Variants in SIPA1L1 observed in about 807,000 individuals in gnomAD.
The protein encoded by SIPA1L1 is signal induced proliferation associated 1 like 1.
A neutral mutation model predicts 162.7 loss-of-function variants in SIPA1L1; 26 were observed. The observed-to-expected ratio is 0.16, with a 90% CI of 0.12 to 0.22. SIPA1L1 has a LOEUF of 0.22. Ranked by LOEUF, SIPA1L1 falls within the 10% of genes least tolerant of loss-of-function variation. The pLI is 1.00. For missense variants in SIPA1L1, 1,874 were observed against 2,241.0 expected (o/e 0.84, Z 3.31); for synonymous variants, 829 against 837.4 (o/e 0.99, Z 0.17).
At chr14:71,387,248 CAAAAAAAA>C (rs398025583) in intron 2 of SIPA1L1, among the ~76,000 whole-genome samples, 42 of 53,852 alleles carry the variant, frequency 7.8e-4, no homozygotes, top group Middle Eastern at 0.023. Flanking sequence ...AACTCTGTCT[CAAAAAAAA>C]AAAAAAAAAA....
At chr14:71,400,042 C>T (rs2041544703) in intron 2 of SIPA1L1, among the ~76,000 whole-genome samples, 1 of 151,644 alleles carries the variant, frequency 6.6e-6, no homozygotes, top group African/African-American at 2.4e-5. Flanking sequence ...CCAGGCTGGT[C>T]TCAAACTCCT....
chr14:71,423,308 C>T (rs2043319767), intron 2 of SIPA1L1, among the ~76,000 whole-genome samples: 1 of 152,056 alleles, frequency 6.6e-6, no homozygotes, highest in African/African-American at 2.4e-5. Context: ...TCTTTTGATG[C>T]ACAAAATTTT....
chr14:71,338,789 G>T (rs976303850), intron 2 of SIPA1L1, among the ~76,000 whole-genome samples: 47 of 152,118 alleles, frequency 3.1e-4, no homozygotes, highest in African/African-American at 1.1e-3. Context: ...GCCTAGGCTG[G>T]AGTGCAATGG....
At chr14:71,392,036 A>G (rs919596829) in intron 2 of SIPA1L1, among the ~76,000 whole-genome samples, 5 of 152,186 alleles carry the variant, frequency 3.3e-5, no homozygotes, top group Admixed American at 1.3e-4. Flanking sequence ...TTTTCAGCCT[A>G]TGTCCATTTA....
At chr14:71,464,832 T>A (rs1168984082) in intron 2 of SIPA1L1, among the ~76,000 whole-genome samples, 1 of 152,164 alleles carries the variant, frequency 6.6e-6, no homozygotes, top group East Asian at 1.9e-4. Flanking sequence ...TCTTTTCAAG[T>A]GTAGCGCACC....
At chr14:71,478,759 C>G (rs1323070776) in intron 2 of SIPA1L1, among the ~76,000 whole-genome samples, 1 of 152,108 alleles carries the variant, frequency 6.6e-6, no homozygotes, top group Admixed American at 6.6e-5. Flanking sequence ...GGACGTACTT[C>G]CTGTGACTGC....
At chr14:71,645,780 A>T (rs575046565) in intron 7 of SIPA1L1, among the ~76,000 whole-genome samples, 8 of 152,258 alleles carry the variant, frequency 5.3e-5, no homozygotes, top group African/African-American at 1.9e-4. Flanking sequence ...ATTGACTCTT[A>T]ATAGTGTTTT....
intron 9 of SIPA1L1, 128 bp from the exon 10 acceptor site, chr14:71,661,182 T>C: frequency 1.1e-6 from 1 of 878,812 alleles, no homozygotes; most frequent in Non-Finnish European, 1.8e-6. Context: ...ACAGTACCTG[T>C]GTAGATTACC....
rs761653010 is a variant in SIPA1L1 at position 71,730,065 on chromosome 14, T to C, written c.4625T>C (p.Leu1542Pro). Residue 1542 changes from leucine (L) to proline (P), a missense_variant, in exon 20 of 24, where the codon CTC (leucine) becomes CCC (proline). By Grantham distance (98) the Leu-to-Pro change is moderately conservative (BLOSUM62 -3). Around this residue, in one of 5 missense-constraint regions of SIPA1L1, gnomAD observed 936 missense variants for 1,051.9 expected, o/e 0.89. Transcript: ENST00000381232. ...ESQKSFKFHALSSPQSPFPST... is the reference protein window; with the variant it reads ...ESQKSFKFHAPSSPQSPFPST... The stretch of plus-strand genomic sequence containing the variant: ...GATCCTGTTTTTCAGTTCCACGCAC[T>C]CTCCTCTCCTCAGTCTCCTTTCCCC... The C allele has an allele frequency of 6.2e-7, 1 of 1,613,854 alleles. No homozygotes were observed. Among genetic ancestry groups the C allele is most frequent in the Non-Finnish European group, 8.5e-7 (1 of 1,179,846 alleles).
At chr14:71,420,415 C>T (rs923368078) in intron 2 of SIPA1L1, among the ~76,000 whole-genome samples, 5 of 152,218 alleles carry the variant, frequency 3.3e-5, no homozygotes, top group South Asian at 2.1e-4. Flanking sequence ...ATCTACCCAT[C>T]TATCTGTCTA....
At chr14:71,512,585 CAAAAAA>C (rs550540510) in intron 2 of SIPA1L1, among the ~76,000 whole-genome samples, 152 bp from the exon 3 acceptor site, 10 of 46,410 alleles carry the variant, frequency 2.2e-4, no homozygotes, top group Non-Finnish European at 2.8e-4. Context: ...GACTCTGTCT[CAAAAAA>C]AAAAAAAAAA....
intron 16 of SIPA1L1, among the ~76,000 whole-genome samples, chr14:71,708,688 A>AT (rs796225663): frequency 6.6e-6 from 1 of 151,922 alleles, no homozygotes; most frequent in Non-Finnish European, 1.5e-5. Context: ...GATAAACCTA[A>AT]TTTTTTCCCC....
intron 2 of SIPA1L1, among the ~76,000 whole-genome samples, chr14:71,346,060 A>G (rs1480946275): frequency 6.6e-6 from 1 of 151,812 alleles, no homozygotes; most frequent in Non-Finnish European, 1.5e-5. Context: ...TGCGCTTGCC[A>G]CCACGCCCAG....
At chr14:71,582,525 G>T (rs992467483) in intron 4 of SIPA1L1, among the ~76,000 whole-genome samples, 12 of 152,088 alleles carry the variant, frequency 7.9e-5, no homozygotes, top group Non-Finnish European at 8.8e-5. Context: ...TAGCTACGAG[G>T]GTGAGTGGGA....
At chr14:71,662,983 C>G (rs2043667506) in intron 10 of SIPA1L1, among the ~76,000 whole-genome samples, 1 of 152,206 alleles carries the variant, frequency 6.6e-6, no homozygotes. Flanking sequence ...TGAATGGGCA[C>G]TTCAAAGTTT....
At chr14:71,382,334 A>C (rs533241786) in intron 2 of SIPA1L1, among the ~76,000 whole-genome samples, 25 of 152,304 alleles carry the variant, frequency 1.6e-4, no homozygotes, top group Admixed American at 1.6e-3. Context: ...GCTTTTCTTT[A>C]CTTGGGTGGT....
At chr14:71,700,385 T>C (rs1443339508) in intron 14 of SIPA1L1, among the ~76,000 whole-genome samples, 1 of 152,198 alleles carries the variant, frequency 6.6e-6, no homozygotes, top group Non-Finnish European at 1.5e-5. Context: ...AGTAAAAGCA[T>C]GATTAGAATC....
Position 71,723,905 on chromosome 14 carries a change from C to T in SIPA1L1, c.4448+19C>T. On this transcript the variant is annotated intron_variant, in intron 18 of 23. Transcript: ENST00000381232. ...CGAGAAAGTAAGAGTTACTTTCCTTCCCTTGCTGGTGGCTTGCTTTTAACA... is the reference window on the plus strand; with the variant it reads ...CGAGAAAGTAAGAGTTACTTTCCTTTCCTTGCTGGTGGCTTGCTTTTAACA... 6.2e-7 allele frequency: 1 copy of T among 1,613,414 alleles called. No homozygotes were observed. Among genetic ancestry groups the T allele is most frequent in the Non-Finnish European group, 8.5e-7 (1 of 1,179,556 alleles).
At chr14:71,501,786 G>C (rs1028615126) in intron 2 of SIPA1L1, among the ~76,000 whole-genome samples, 3 of 152,132 alleles carry the variant, frequency 2.0e-5, no homozygotes, top group African/African-American at 7.2e-5. Context: ...ACATTGGCAG[G>C]CCAAGGTGGG....
Sources: allele counts gnomAD v4.1 joint callset (sites outside exome capture counted in the v4.1 genomes callset), GRCh38; gene constraint gnomAD v4.1.1; regional missense constraint gnomAD v4.1.1; transcripts MANE v1.5; gene names NCBI Gene and HGNC (gene_info 2026-07-23, HGNC 2026-07-21).